GREM1: variants seen among roughly 807,000 people sequenced by gnomAD.
GREM1 encodes the protein gremlin 1, DAN family BMP antagonist.
GREM1 carries 6 observed loss-of-function variants against 13.1 expected under a neutral mutation model. The ratio of observed to expected loss-of-function variants is 0.46; its 90% CI spans 0.25 to 0.91. GREM1 has a LOEUF of 0.91. Ranked by LOEUF, GREM1 falls within the 40% of genes least tolerant of loss-of-function variation. The probability of loss-of-function intolerance (pLI) is 0.18; values close to 1 mark genes in which losing one functional copy is unlikely to be tolerated. For missense variants in GREM1, 185 were observed against 233.9 expected (o/e 0.79, Z 1.36); for synonymous variants, 98 against 93.7 (o/e 1.05, Z -0.27).
In GREM1 at chr15:32,743,433, C is replaced by G. The variant is rs1348561117; in HGVS notation, c.*12188C>G. ...TGAGCCATGTCTGAAGTCAAGCCAACTTTTGAAGTATCCTATAGTACTTAT... is the reference window on the plus strand; with the variant it reads ...TGAGCCATGTCTGAAGTCAAGCCAAGTTTTGAAGTATCCTATAGTACTTAT... On this transcript the variant is annotated 3_prime_UTR_variant, in exon 2 of 2. Coordinates refer to ENST00000651154, the MANE Select transcript of GREM1 (RefSeq NM_013372.7). 2 of 152,170 alleles carry G rather than the reference C, an allele frequency of 1.3e-5. No homozygotes were observed. Among genetic ancestry groups the G allele is most frequent in the Non-Finnish European group, 2.9e-5 (2 of 68,032 alleles). 9.4% of individuals were successfully genotyped at this position (152,170 alleles called of 1,614,324 possible).
At chr15:32,730,661 C>G (rs1361353092) in intron 1 of GREM1, 29 bp from the exon 2 acceptor site, 1 of 1,472,742 alleles carries the variant, frequency 6.8e-7, no homozygotes, top group South Asian at 1.4e-5. Context: ...TGTTTTGTGT[C>G]TTCCCCTCTC....
At position 32,731,230 on chromosome 15, in the gene GREM1, C is replaced by T; in HGVS notation, c.540C>T (p.Ser180=). The change falls in exon 2 of 2, where the codon TCC becomes TCT. Residue 180 remains serine, a synonymous_variant. Transcript: ENST00000651154. ...VTRVKQCRCI[S]IDLD ...GTGTGAAGCAGTGTCGTTGCATATCCATCGATTTGGATTAAGCCAAATCCA... is the reference window on the plus strand; with the variant it reads ...GTGTGAAGCAGTGTCGTTGCATATCTATCGATTTGGATTAAGCCAAATCCA... 6.2e-7 allele frequency: 1 copy of T among 1,613,264 alleles called. No individual in the cohort carries two copies. The highest frequency in any genetic ancestry group is 8.5e-7 in the Non-Finnish European group (1 of 1,179,484).
chr15:32,734,638 GC>G lies in GREM1; in HGVS notation c.*3394del, dbSNP rs918944173. On this transcript the variant is annotated 3_prime_UTR_variant, in exon 2 of 2. Transcript: ENST00000651154. ...TGTTCTATATAGCCTTTGCTAAAGA[GC>G]AACTAATAAATTAAACCTATTCTTT... The G allele has an allele frequency of 1.2e-5, 3 of 243,708 alleles. No individual in the cohort carries two copies. Among genetic ancestry groups the G allele is most frequent in the Non-Finnish European group, 2.6e-5 (3 of 116,362 alleles). 15.1% of individuals were successfully genotyped at this position (243,708 alleles called of 1,614,324 possible). A position where few individuals can be genotyped will look rare whatever the true frequency, so the allele number is the denominator to read the frequency against.
intron 1 of GREM1, among the ~76,000 whole-genome samples, chr15:32,726,107 A>G (rs775649826): frequency 9.9e-5 from 15 of 152,170 alleles, no homozygotes; most frequent in Non-Finnish European, 1.9e-4. Flanking sequence ...TGTCTTGGCT[A>G]TATGGGCTCT....
At chr15:32,718,273 C>A in intron 1 of GREM1, 112 bp downstream of exon 1, 1 of 836,224 alleles carries the variant, frequency 1.2e-6, no homozygotes, top group Non-Finnish European at 1.8e-6. Context: ...CGCGCAGGCT[C>A]GGGTGCGTTG....
At chr15:32,724,639 T>TC (rs910054440) in intron 1 of GREM1, among the ~76,000 whole-genome samples, 29 of 151,580 alleles carry the variant, frequency 1.9e-4, no homozygotes, top group African/African-American at 6.8e-4. Context: ...TTTTTTTTTT[T>TC]CTTTTTCTTT....
At chr15:32,726,921 A>G (rs1391140034) in intron 1 of GREM1, among the ~76,000 whole-genome samples, 1 of 152,196 alleles carries the variant, frequency 6.6e-6, no homozygotes, top group Admixed American at 6.5e-5. Context: ...AAATGGATAC[A>G]TTCCTGAACG....
At position 32,739,368 on chromosome 15, in the gene GREM1, A is replaced by G. The variant is rs1012494317; in HGVS notation, c.*8123A>G. ...GTTTATATTTATAGTTTCATCACTG[A>G]AGTGTGCATTCCTAAACTCAACACC... On this transcript the variant is annotated 3_prime_UTR_variant, in exon 2 of 2. Coordinates refer to ENST00000651154, the MANE Select transcript of GREM1 (RefSeq NM_013372.7). The G allele has an allele frequency of 9.9e-5, 15 of 152,218 alleles. No individual in the cohort carries two copies. The highest frequency in any genetic ancestry group is 1.9e-4 in the Non-Finnish European group (13 of 68,038). 9.4% of individuals were successfully genotyped at this position (152,218 alleles called of 1,614,324 possible).
At position 32,731,751 on chromosome 15, in the gene GREM1, A is replaced by G. The variant is rs1056534156; in HGVS notation, c.*506A>G. ...ACAATCCATCTCTTCTTAAGTTGAT[A>G]GTGACTATGTCAGTCTAATCTCTTG... On this transcript the variant is annotated 3_prime_UTR_variant, in exon 2 of 2. Coordinates refer to ENST00000651154, the MANE Select transcript of GREM1 (RefSeq NM_013372.7). 6 of 240,978 alleles carry G rather than the reference A, an allele frequency of 2.5e-5. No homozygotes were observed. In the Admixed American group the frequency reaches 2.8e-4, roughly 11 times the overall value. 14.9% of individuals were successfully genotyped at this position (240,978 alleles called of 1,614,324 possible). A position where few individuals can be genotyped will look rare whatever the true frequency, so the allele number is the denominator to read the frequency against.
chr15:32,731,015 A>G lies in GREM1; in HGVS notation c.325A>G (p.Asn109Asp), dbSNP rs1189656425. Residue 109 changes from asparagine (N) to aspartate (D), a missense_variant, in exon 2 of 2, where the codon AAC becomes GAC. Coordinates refer to ENST00000651154, the MANE Select transcript of GREM1 (RefSeq NM_013372.7). Reference sequence around the variant, plus strand: ...GCAGACCATCCACGAGGAAGGCTGCAACAGTCGCACCATCATCAACCGCTT... The same window carrying G: ...GCAGACCATCCACGAGGAAGGCTGCGACAGTCGCACCATCATCAACCGCTT... ...LKQTIHEEGC[N>D]SRTIINRFCY... is the part of the protein sequence containing the mutation. The G allele has an allele frequency of 2.5e-6, 4 of 1,614,240 alleles. No homozygotes were observed. The highest frequency in any genetic ancestry group is 3.4e-6 in the Non-Finnish European group (4 of 1,180,034).
chr15:32,724,599 G>A (rs935753832), intron 1 of GREM1, among the ~76,000 whole-genome samples: 1 of 151,030 alleles, frequency 6.6e-6, no homozygotes, highest in African/African-American at 2.4e-5. Flanking sequence ...ATTCAGTCCT[G>A]TATTATAACT....
chr15:32,718,421 C>A (rs750319123), intron 1 of GREM1: 3 of 479,026 alleles, frequency 6.3e-6, no homozygotes, highest in South Asian at 4.6e-5. Flanking sequence ...ACCCCCACAT[C>A]CCGTTTCCAC....
intron 1 of GREM1, among the ~76,000 whole-genome samples, chr15:32,721,949 T>G (rs1016954290): frequency 6.6e-6 from 1 of 152,242 alleles, no homozygotes; most frequent in Non-Finnish European, 1.5e-5. Flanking sequence ...ATAGAGCTCC[T>G]GAGATATTTC....
At chr15:32,722,635 T>C (rs1369124503) in intron 1 of GREM1, among the ~76,000 whole-genome samples, 3 of 152,198 alleles carry the variant, frequency 2.0e-5, no homozygotes, top group African/African-American at 7.2e-5. Flanking sequence ...CTGCACAGGA[T>C]AGAGGTGGTT....
chr15:32,720,957 C>T (rs2140668770), intron 1 of GREM1, among the ~76,000 whole-genome samples: 1 of 152,162 alleles, frequency 6.6e-6, no homozygotes, highest in Non-Finnish European at 1.5e-5. Context: ...GGGAGTTCGA[C>T]ACCAGCCTGA....
In GREM1 at chr15:32,738,118, AAAAAAAAAAAAAAAAG is replaced by A. The variant is rs2055725067; in HGVS notation, c.*6878_*6893del. On this transcript the variant is annotated 3_prime_UTR_variant, in exon 2 of 2. Transcript: ENST00000651154. ...AAAAAAAAAAAAAAAAAAAAAAAAAAAAAAAAAAAAAAAAAGAAAAGAAAAAAGTCATCCAGATTGG... is the reference window on the plus strand; with the variant it reads ...AAAAAAAAAAAAAAAAAAAAAAAAAAAAAAGAAAAAAGTCATCCAGATTGG... 1 of 132,650 alleles carries A rather than the reference AAAAAAAAAAAAAAAAG, an allele frequency of 7.5e-6. No individual in the cohort carries two copies. The highest frequency in any genetic ancestry group is 1.6e-5 in the Non-Finnish European group (1 of 63,436). The allele number at this position is 132,650 out of a possible 1,614,324, so 8.2% of individuals were successfully genotyped here.
At chr15:32,718,546 T>C (rs1283848382) in intron 1 of GREM1, 1 of 445,178 alleles carries the variant, frequency 2.2e-6, no homozygotes, top group South Asian at 1.6e-5. Context: ...CATCCGGACC[T>C]GCTAGTCGGC....
chr15:32,731,097 G>A lies in GREM1; in HGVS notation c.407G>A (p.Gly136Asp). ...CCCAGGCACATCCGGAAGGAGGAAG[G>A]TTCCTTTCAGTCCTGCTCCTTCTGC... ...YIPRHIRKEE[G>D]SFQSCSFCKP... The change falls in exon 2 of 2, where the codon GGT (glycine) becomes GAT (aspartate). Residue 136 changes from glycine to aspartate, a missense_variant. Transcript: ENST00000651154. The A allele has an allele frequency of 1.2e-6, 2 of 1,614,170 alleles. No individual in the cohort carries two copies. Among genetic ancestry groups the A allele is most frequent in the Non-Finnish European group, 8.5e-7 (1 of 1,180,014 alleles).
chr15:32,730,866 G>A lies in GREM1; in HGVS notation c.176G>A (p.Gly59Glu), dbSNP rs2055604623. 5.6e-6 allele frequency: 9 copies of A among 1,613,396 alleles called. No homozygotes were observed. The highest frequency in any genetic ancestry group is 7.6e-6 in the Non-Finnish European group (9 of 1,179,774). ...SPQQPGSRNR[G>E]RGQGRGTAMP... ...CAGCAGCCTGGCTCCAGGAACCGGG[G>A]GCGGGGCCAAGGGCGGGGCACTGCC... is the stretch of plus-strand genomic sequence containing the variant. The change falls in exon 2 of 2, where the codon GGG (glycine) becomes GAG (glutamate). Residue 59 changes from glycine to glutamate, a missense_variant. Physicochemically the swap from Gly to Glu is moderately conservative, Grantham distance 98 (BLOSUM62 -2). Coordinates refer to ENST00000651154, the MANE Select transcript of GREM1 (RefSeq NM_013372.7).
Sources: allele counts gnomAD v4.1 joint callset (sites outside exome capture counted in the v4.1 genomes callset), GRCh38; gene constraint gnomAD v4.1.1; transcripts MANE v1.5; gene names NCBI Gene and HGNC (gene_info 2026-07-23, HGNC 2026-07-21).